DEPTOR: variants seen among roughly 807,000 people sequenced by gnomAD.
DEPTOR encodes the protein DEP domain-containing mTOR-interacting protein.
In DEPTOR, 41 loss-of-function variants were observed where a neutral mutation model predicts 41.6. The observed-to-expected ratio is 0.98, with a 90% CI of 0.77 to 1.28. DEPTOR has a LOEUF of 1.28. DEPTOR is among the 50% of genes most tolerant of loss of function. The pLI is 0.00. For synonymous variants in DEPTOR, 195 were observed against 192.3 expected (o/e 1.01, Z -0.12); for missense variants, 514 against 527.9 (o/e 0.97, Z 0.26).
chr8:119,881,320 C>T (rs1370131924), intron 1 of DEPTOR, among the ~76,000 whole-genome samples: 1 of 152,050 alleles, frequency 6.6e-6, no homozygotes, highest in Non-Finnish European at 1.5e-5. Flanking sequence ...TCAGAAGTTC[C>T]AGACCAGCCT....
At chr8:119,909,741 C>G (rs1040082600) in intron 1 of DEPTOR, among the ~76,000 whole-genome samples, 2 of 152,222 alleles carry the variant, frequency 1.3e-5, no homozygotes, top group African/African-American at 4.8e-5. Context: ...ATTCCAATCA[C>G]CAGAAGTGAA....
intron 1 of DEPTOR, among the ~76,000 whole-genome samples, chr8:119,914,119 C>T (rs990405407): frequency 2.0e-5 from 3 of 151,092 alleles, no homozygotes; most frequent in Admixed American, 6.6e-5. Context: ...GATCTTGGCT[C>T]ACTACAACCT....
At chr8:119,969,408 G>T (rs1282125908) in intron 4 of DEPTOR, among the ~76,000 whole-genome samples, 1 of 150,042 alleles carries the variant, frequency 6.7e-6, no homozygotes, top group Non-Finnish European at 1.5e-5. Flanking sequence ...AGGCTGGAGT[G>T]CAATGGTGCG....
intron 8 of DEPTOR, among the ~76,000 whole-genome samples, chr8:120,026,411 C>T (rs535625641): frequency 9.3e-5 from 14 of 150,378 alleles, no homozygotes; most frequent in African/African-American, 2.9e-4. Context: ...AGTGTGATCT[C>T]GGCTTACTGC....
chr8:120,030,037 C>G (rs1389617195), intron 8 of DEPTOR, among the ~76,000 whole-genome samples: 4 of 152,144 alleles, frequency 2.6e-5, no homozygotes, highest in African/African-American at 7.2e-5. Context: ...GTACCCACAG[C>G]TGGGTTAATG....
intron 4 of DEPTOR, among the ~76,000 whole-genome samples, chr8:119,968,950 C>T (rs1191194348): frequency 2.0e-5 from 3 of 151,954 alleles, no homozygotes; most frequent in Non-Finnish European, 4.4e-5. Flanking sequence ...AAAAATTAGC[C>T]GGGAGTCATG....
intron 4 of DEPTOR, among the ~76,000 whole-genome samples, chr8:119,982,038 A>AG (rs1828776182): frequency 6.6e-6 from 1 of 151,438 alleles, no homozygotes; most frequent in Non-Finnish European, 1.5e-5. Flanking sequence ...AAAAAAAAAA[A>AG]AATTCTAGTT....
intron 1 of DEPTOR, among the ~76,000 whole-genome samples, chr8:119,908,570 G>C (rs1173049143): frequency 1.3e-5 from 2 of 152,166 alleles, no homozygotes; most frequent in Non-Finnish European, 2.9e-5. Flanking sequence ...AAAAGTACAG[G>C]TGACTGCCTA....
At chr8:119,975,870 C>CCT (rs1828690678) in intron 4 of DEPTOR, among the ~76,000 whole-genome samples, 1 of 65,268 alleles carries the variant, frequency 1.5e-5, no homozygotes, top group East Asian at 4.5e-4. Flanking sequence ...ATGCTTGCTC[C>CCT]TTTTTTTTTT....
chr8:119,876,904 G>A (rs1827238104), intron 1 of DEPTOR, among the ~76,000 whole-genome samples: 1 of 152,174 alleles, frequency 6.6e-6, no homozygotes, highest in South Asian at 2.1e-4. Flanking sequence ...GTATTAATGA[G>A]CATTCAACAA....
intron 6 of DEPTOR, among the ~76,000 whole-genome samples, chr8:120,005,413 G>C (rs1295367134): frequency 6.6e-6 from 1 of 152,248 alleles, no homozygotes; most frequent in East Asian, 1.9e-4. Flanking sequence ...CTTTCACTGA[G>C]AGGGTGCTTC....
intron 4 of DEPTOR, among the ~76,000 whole-genome samples, chr8:119,980,393 C>CCGTTTTG (rs1275177786): frequency 6.6e-6 from 1 of 152,040 alleles, no homozygotes; most frequent in Non-Finnish European, 1.5e-5. Context: ...CAGCTCTAGG[C>CCGTTTTG]CGTTTTGAAA....
At chr8:119,921,759 TG>T (rs1288732719) in intron 1 of DEPTOR, among the ~76,000 whole-genome samples, 2,688 of 145,582 alleles carry the variant, frequency 0.018, 275 homozygotes, top group African/African-American at 0.064. Context: ...TTTTTTTTTT[TG>T]TTTGTTTGTT....
intron 3 of DEPTOR, among the ~76,000 whole-genome samples, chr8:119,957,886 C>G (rs903952808): frequency 6.6e-6 from 1 of 152,136 alleles, no homozygotes; most frequent in Non-Finnish European, 1.5e-5. Flanking sequence ...CCCCTGCTCC[C>G]GGCCTCTATT....
At chr8:119,978,859 G>T (rs1386471417) in intron 4 of DEPTOR, among the ~76,000 whole-genome samples, 1 of 152,128 alleles carries the variant, frequency 6.6e-6, no homozygotes, top group Non-Finnish European at 1.5e-5. Flanking sequence ...TCTCTTAGCT[G>T]ATAACTCTCA....
chr8:120,044,710 G>A (rs1813129808), intron 8 of DEPTOR, among the ~76,000 whole-genome samples: 1 of 152,170 alleles, frequency 6.6e-6, no homozygotes, highest in Non-Finnish European at 1.5e-5. Flanking sequence ...ACCAACAGAT[G>A]TGTCACCATA....
chr8:119,874,420 T>C (rs1188127575), intron 1 of DEPTOR: 1 of 180,952 alleles, frequency 5.5e-6, no homozygotes, highest in Non-Finnish European at 1.1e-5. Flanking sequence ...AACGATAGTC[T>C]TCACTAGGTT....
chr8:120,030,592 C>T (rs1011674757), intron 8 of DEPTOR, among the ~76,000 whole-genome samples: 8 of 142,128 alleles, frequency 5.6e-5, no homozygotes, highest in East Asian at 4.4e-4. Flanking sequence ...CTGCAACCTC[C>T]GCCTCCTTGT....
chr8:120,027,880 A>T (rs1218702946), intron 8 of DEPTOR, among the ~76,000 whole-genome samples: 1 of 152,226 alleles, frequency 6.6e-6, no homozygotes, highest in East Asian at 1.9e-4. Flanking sequence ...ATCACCTGGG[A>T]AACTCCTAGA....
Sources: allele counts gnomAD v4.1 joint callset (sites outside exome capture counted in the v4.1 genomes callset), GRCh38; gene constraint gnomAD v4.1.1; transcripts MANE v1.5; gene names NCBI Gene and HGNC (gene_info 2026-07-23, HGNC 2026-07-21).